FOXP4: variants seen among roughly 807,000 people sequenced by gnomAD.
The protein encoded by FOXP4 is forkhead box P4.
Under a neutral mutation model 82.6 loss-of-function variants are expected in FOXP4, and 25 were observed. The observed-to-expected ratio is 0.30, with a 90% CI of 0.22 to 0.42. The LOEUF (loss-of-function observed/expected upper bound fraction) is 0.42, where lower values mean the gene tolerates loss of function less well. FOXP4 is among the 10% of genes least tolerant of loss of function. The probability of loss-of-function intolerance (pLI) is 1.00; values close to 1 mark genes in which losing one functional copy is unlikely to be tolerated. For missense variants in FOXP4, 785 were observed against 900.9 expected, an observed-to-expected ratio of 0.87 and a Z score of 1.65; for synonymous variants, 415 against 388.2, an observed-to-expected ratio of 1.07 and a Z score of -0.81.
chr6:41,560,183 AG>A (rs1325047870), intron 1 of FOXP4, among the ~76,000 whole-genome samples: 1 of 152,326 alleles, frequency 6.6e-6, no homozygotes, highest in Non-Finnish European at 1.5e-5. Context: ...CAGTAATCCC[AG>A]CACTTTGGGA....
chr6:41,550,888 GA>G (rs1763958787), intron 1 of FOXP4, among the ~76,000 whole-genome samples: 1 of 152,138 alleles, frequency 6.6e-6, no homozygotes, highest in Non-Finnish European at 1.5e-5. Context: ...CTAGGGTTTG[GA>G]AACCCTAGCC....
At chr6:41,556,900 G>T (rs892275990) in intron 1 of FOXP4, among the ~76,000 whole-genome samples, 1 of 152,200 alleles carries the variant, frequency 6.6e-6, no homozygotes, top group Non-Finnish European at 1.5e-5. Flanking sequence ...TGAAGAGTGC[G>T]ATTTAATTGA....
intron 2 of FOXP4, among the ~76,000 whole-genome samples, chr6:41,575,695 GCCACCCCCCACC>G (rs902804657): frequency 4.0e-5 from 6 of 151,462 alleles, no homozygotes; most frequent in African/African-American, 1.2e-4. Context: ...AACTCCCCTG[GCCACCCCCCACC>G]CCACCCCAGG....
At chr6:41,560,909 T>C (rs1055278750) in intron 1 of FOXP4, among the ~76,000 whole-genome samples, 5 of 152,228 alleles carry the variant, frequency 3.3e-5, no homozygotes, top group Non-Finnish European at 7.3e-5. Context: ...CCCTTCTCTT[T>C]TCTCCTTCCA....
Position 41,594,875 on chromosome 6 carries a change from C to T in FOXP4, c.1542C>T (p.Ala514=), listed in dbSNP as rs779810959. The T allele has an allele frequency of 1.5e-5, 25 of 1,613,902 alleles. No individual in the cohort carries two copies. The South Asian group carries it at 1.9e-4, about 12-fold the overall frequency. ...CCTCTTCACTGCACCCACAGAACGC[C>T]GTGCGCCACAACCTCAGCCTGCACA... The part of the protein sequence containing the change: ...FRRNTATWKN[A]VRHNLSLHKC... Residue 514 remains alanine (A), a synonymous_variant, in exon 14 of 17, where the codon GCC becomes GCT. Coordinates refer to ENST00000307972, the MANE Select transcript of FOXP4 (RefSeq NM_001012426.2).
chr6:41,601,939 C>G lies in FOXP4; in HGVS notation c.*3003C>G, dbSNP rs1202165014. 2.0e-5 allele frequency: 3 copies of G among 152,224 alleles called. No individual in the cohort carries two copies. The highest frequency in any genetic ancestry group is 2.9e-5 in the Non-Finnish European group (2 of 68,054). The allele number at this position is 152,224 out of a possible 1,614,324, so 9.4% of individuals were successfully genotyped here. A position where few individuals can be genotyped will look rare whatever the true frequency, so the allele number is the denominator to read the frequency against. On this transcript the variant is annotated 3_prime_UTR_variant, in exon 17 of 17. Transcript: ENST00000307972. ...GGAGTCAATCACCCTTCCCACAAAT[C>G]ACCAAACTGCTGGAACTCTCCAGCC...
intron 2 of FOXP4, among the ~76,000 whole-genome samples, chr6:41,574,865 G>A (rs969399405): frequency 2.6e-5 from 4 of 152,186 alleles, no homozygotes; most frequent in African/African-American, 9.6e-5. Flanking sequence ...GAAGCCTTCC[G>A]AGACTTCCCC....
intron 1 of FOXP4, among the ~76,000 whole-genome samples, chr6:41,549,106 C>A (rs1019849258): frequency 3.9e-5 from 6 of 152,122 alleles, no homozygotes. Context: ...CTGAATCTCT[C>A]CTGCGGGACG....
At chr6:41,552,678 C>T (rs1013885916) in intron 1 of FOXP4, among the ~76,000 whole-genome samples, 5 of 152,252 alleles carry the variant, frequency 3.3e-5, no homozygotes, top group South Asian at 2.1e-4. Flanking sequence ...ACTCACCAGA[C>T]GCAGAGAAAA....
chr6:41,563,553 C>T (rs1189323676), intron 1 of FOXP4, among the ~76,000 whole-genome samples: 1 of 152,130 alleles, frequency 6.6e-6, no homozygotes, highest in Non-Finnish European at 1.5e-5. Context: ...CTGGCTTCCA[C>T]GGGCCTTGCT....
At chr6:41,551,317 C>T (rs1039442454) in intron 1 of FOXP4, among the ~76,000 whole-genome samples, 2 of 152,220 alleles carry the variant, frequency 1.3e-5, no homozygotes, top group Non-Finnish European at 2.9e-5. Context: ...CATGCCTGGG[C>T]CTGGCGAATG....
chr6:41,578,262 G>T (rs746783137), intron 3 of FOXP4, among the ~76,000 whole-genome samples, 181 bp downstream of exon 3: 1 of 152,118 alleles, frequency 6.6e-6, no homozygotes, highest in Non-Finnish European at 1.5e-5. Flanking sequence ...ACTTTCTCTC[G>T]TCTCCACCTG....
At chr6:41,595,044 A>G (rs1766747089) in intron 14 of FOXP4, 53 bp downstream of exon 14, 2 of 1,608,378 alleles carry the variant, frequency 1.2e-6, no homozygotes, top group Non-Finnish European at 1.7e-6. Context: ...GCAGGAGCCA[A>G]CTCACCCCCA....
rs1437183263 is a variant in FOXP4, at chr6:41,593,494, T to A, written c.1537-1376T>A. 1.3e-5 allele frequency among the ~76,000 whole-genome samples: 2 copies of A among 152,222 alleles called. No homozygotes were observed. Among genetic ancestry groups the A allele is most frequent in the Non-Finnish European group, 2.9e-5 (2 of 68,040 alleles). On this transcript the variant is annotated intron_variant, in intron 13 of 16. Coordinates refer to ENST00000307972, the MANE Select transcript of FOXP4 (RefSeq NM_001012426.2). The surrounding 1 kb of genome is among the most constrained non-coding windows in gnomAD (Gnocchi z 4.1). ...GACCCCTTAAATTGCCGTTAATGTT[T>A]CAGCGTAACGAATTAGTCTCTCATC... is the stretch of plus-strand genomic sequence containing the variant.
intron 7 of FOXP4, 95 bp from the exon 8 acceptor site, chr6:41,587,698 A>G: frequency 1.0e-6 from 1 of 959,532 alleles, no homozygotes. Flanking sequence ...ATTGGGGCAG[A>G]AATGTCACCA....
intron 2 of FOXP4, among the ~76,000 whole-genome samples, chr6:41,569,556 A>T (rs1400076667): frequency 2.0e-5 from 3 of 152,202 alleles, no homozygotes; most frequent in Non-Finnish European, 2.9e-5. Flanking sequence ...GCCTAGGAGA[A>T]GTGTGTGCCA....
chr6:41,593,569 C>T lies in FOXP4; in HGVS notation c.1537-1301C>T, dbSNP rs1378453859. The stretch of plus-strand genomic sequence containing the variant: ...AAAAAAGCCCCGGTGAGGCCATCCT[C>T]GGAAATTGGGGTCATTCTCATTTGC... On this transcript the variant is annotated intron_variant, in intron 13 of 16. Coordinates refer to ENST00000307972, the MANE Select transcript of FOXP4 (RefSeq NM_001012426.2). This position sits in a 1 kb window ranked among gnomAD's most constrained non-coding sequence, Gnocchi z 4.1. 6.6e-6 allele frequency among the ~76,000 whole-genome samples: 1 copy of T among 152,216 alleles called. No individual in the cohort carries two copies.
chr6:41,584,202 G>GT (rs1365844481), intron 3 of FOXP4, among the ~76,000 whole-genome samples: 1 of 152,250 alleles, frequency 6.6e-6, no homozygotes, highest in Non-Finnish European at 1.5e-5. Context: ...CCAGGCAGGT[G>GT]TGCCGGGGTG....
chr6:41,568,100 G>C (rs558204966), intron 2 of FOXP4, among the ~76,000 whole-genome samples: 1 of 152,320 alleles, frequency 6.6e-6, no homozygotes, highest in Admixed American at 6.5e-5. Flanking sequence ...TTTTGGGGGA[G>C]CTTCAAGGGT....
Sources: gnomAD v4.1 joint callset for allele counts (sites outside exome capture counted in the v4.1 genomes callset) on GRCh38, gnomAD v4.1.1 for gene constraint, Gnocchi (gnomAD v3.1) non-coding constraint, MANE v1.5 for transcripts, NCBI Gene and HGNC (gene_info 2026-07-23, HGNC 2026-07-21) for gene names.